Variants in RNGTT observed in about 807,000 individuals in gnomAD.
The protein encoded by RNGTT is mRNA-capping enzyme.
RNGTT carries 33 observed loss-of-function variants against 79.3 expected under a neutral mutation model. That is an observed-to-expected ratio of 0.42 (90% CI 0.32 to 0.56). The LOEUF (loss-of-function observed/expected upper bound fraction) is 0.56. RNGTT is among the 20% of genes least tolerant of loss of function. RNGTT has a pLI of 0.17. For missense variants in RNGTT, 497 were observed against 739.1 expected (o/e 0.67, Z 3.80); for synonymous variants, 222 against 235.9 (o/e 0.94, Z 0.54).
At chr6:88,792,499 G>A (rs1226939842) in intron 12 of RNGTT, among the ~76,000 whole-genome samples, 1 of 152,218 alleles carries the variant, frequency 6.6e-6, no homozygotes, top group Non-Finnish European at 1.5e-5. Flanking sequence ...GAATTTATGA[G>A]TAAGAATTAT....
chr6:88,870,048 G>C (rs1366686461), intron 8 of RNGTT, among the ~76,000 whole-genome samples: 1 of 152,068 alleles, frequency 6.6e-6, no homozygotes, highest in Non-Finnish European at 1.5e-5. Context: ...AAAATAAAAT[G>C]AGTCCAAGGA....
intron 4 of RNGTT, among the ~76,000 whole-genome samples, chr6:88,924,727 ATT>A (rs11459283): frequency 4.3e-5 from 6 of 138,112 alleles, no homozygotes; most frequent in Non-Finnish European, 4.7e-5. Context: ...CTCCTCTCCA[ATT>A]TTTTTTTTTT....
intron 13 of RNGTT, among the ~76,000 whole-genome samples, chr6:88,694,919 C>T (rs1775607694): frequency 6.6e-6 from 1 of 152,102 alleles, no homozygotes; most frequent in Non-Finnish European, 1.5e-5. Context: ...AACACACCAG[C>T]CCCCTGCTCT....
intron 8 of RNGTT, among the ~76,000 whole-genome samples, chr6:88,879,213 G>GTGAA (rs1246771991): frequency 1.3e-5 from 2 of 152,140 alleles, no homozygotes; most frequent in African/African-American, 4.8e-5. Context: ...TGGCAACATA[G>GTGAA]TGAAACCCTG....
chr6:88,771,315 G>GTGTGTGTATATATATATA lies in RNGTT; in HGVS notation c.1339-1442_1339-1441insTATATATATATACACACA, dbSNP rs1303688973. 1.1e-3 allele frequency among the ~76,000 whole-genome samples: 70 copies of GTGTGTGTATATATATATA among 62,022 alleles called. 2 individuals carry two copies. Among genetic ancestry groups the GTGTGTGTATATATATATA allele is most frequent in the Non-Finnish European group, 1.7e-3 (58 of 33,286 alleles). 40.7% of individuals were successfully genotyped at this position (62,022 alleles called of 152,430 possible). On this transcript the variant is annotated intron_variant, in intron 12 of 15. Coordinates refer to ENST00000369485, the MANE Select transcript of RNGTT (RefSeq NM_003800.5). ...ACTGTATGTATGTATGTGTGTGTGT[G>GTGTGTGTATATATATATA]TATATATATATATATATATATATAT... is the stretch of plus-strand genomic sequence containing the variant.
At chr6:88,655,130 G>T (rs1474886444) in intron 14 of RNGTT, among the ~76,000 whole-genome samples, 2 of 152,038 alleles carry the variant, frequency 1.3e-5, no homozygotes, top group African/African-American at 4.8e-5. Flanking sequence ...TCATCAGTCA[G>T]CAAACAAACC....
intron 14 of RNGTT, among the ~76,000 whole-genome samples, chr6:88,673,159 T>C (rs1260741938): frequency 6.6e-6 from 1 of 152,210 alleles, no homozygotes; most frequent in African/African-American, 2.4e-5. Flanking sequence ...AGTCCTGTGA[T>C]GTTAATGAAT....
intron 4 of RNGTT, among the ~76,000 whole-genome samples, chr6:88,928,711 T>C (rs1228881838): frequency 6.6e-6 from 1 of 152,144 alleles, no homozygotes; most frequent in Non-Finnish European, 1.5e-5. Context: ...TTATAAAATG[T>C]AGAAGTATAA....
intron 10 of RNGTT, among the ~76,000 whole-genome samples, chr6:88,845,253 G>C (rs578010051): frequency 1.4e-4 from 21 of 152,102 alleles, no homozygotes; most frequent in African/African-American, 4.8e-4. Flanking sequence ...CCTCAACTCT[G>C]GAAGCTAACA....
chr6:88,761,426 C>T lies in RNGTT; in HGVS notation c.1439+8348G>A, dbSNP rs573284424. Among the ~76,000 whole-genome samples the T allele has an allele frequency of 7.8e-4, 119 of 152,020 alleles. 1 individual carries two copies. Among genetic ancestry groups the T allele is most frequent in the African/African-American group, 2.7e-3 (113 of 41,490 alleles). On this transcript the variant is annotated intron_variant, in intron 13 of 15. Coordinates refer to ENST00000369485, the MANE Select transcript of RNGTT (RefSeq NM_003800.5). ...GAATCGCTTGAACCCGGGAGGTGGACGGTACAGTGAGCTGAGATTGCACCA... is the reference window on the plus strand; with the variant it reads ...GAATCGCTTGAACCCGGGAGGTGGATGGTACAGTGAGCTGAGATTGCACCA...
intron 1 of RNGTT, among the ~76,000 whole-genome samples, chr6:88,949,158 TG>T (rs1192317444): frequency 8.3e-4 from 15 of 18,016 alleles, no homozygotes; most frequent in Middle Eastern, 0.042. Context: ...TAAAATAAAA[TG>T]AAAAAAAAAA....
chr6:88,882,656 G>A (rs1296915316), intron 8 of RNGTT, among the ~76,000 whole-genome samples: 1 of 152,222 alleles, frequency 6.6e-6, no homozygotes, highest in Non-Finnish European at 1.5e-5. Flanking sequence ...ACTGAGAGAT[G>A]GAACCTTTAG....
At chr6:88,930,707 C>T (rs1263260692) in intron 2 of RNGTT, among the ~76,000 whole-genome samples, 1 of 151,922 alleles carries the variant, frequency 6.6e-6, no homozygotes, top group Non-Finnish European at 1.5e-5. Flanking sequence ...TAGGAAAATG[C>T]CAATAAAAAT....
At chr6:88,703,484 A>G (rs1452544376) in intron 13 of RNGTT, among the ~76,000 whole-genome samples, 3 of 152,188 alleles carry the variant, frequency 2.0e-5, no homozygotes, top group Non-Finnish European at 4.4e-5. Flanking sequence ...AGAGCTAAAC[A>G]CTGGGTACTC....
At chr6:88,699,458 G>T (rs1271092947) in intron 13 of RNGTT, among the ~76,000 whole-genome samples, 2 of 152,122 alleles carry the variant, frequency 1.3e-5, no homozygotes, top group African/African-American at 2.4e-5. Flanking sequence ...GCTGAATTAA[G>T]AAGATTGCTT....
At chr6:88,730,049 T>A (rs934048807) in intron 13 of RNGTT, among the ~76,000 whole-genome samples, 4 of 152,080 alleles carry the variant, frequency 2.6e-5, no homozygotes, top group African/African-American at 9.7e-5. Context: ...CTCCACCTTA[T>A]CCAGAGAAGC....
At chr6:88,738,839 T>TATATACAC (rs1554211729) in intron 13 of RNGTT, among the ~76,000 whole-genome samples, 1 of 142,526 alleles carries the variant, frequency 7.0e-6, no homozygotes, top group African/African-American at 2.6e-5. Context: ...ATAAATAAAA[T>TATATACAC]ACACACACAC....
intron 1 of RNGTT, among the ~76,000 whole-genome samples, chr6:88,953,183 C>T (rs1411084625): frequency 6.6e-6 from 1 of 151,928 alleles, no homozygotes; most frequent in East Asian, 1.9e-4. Context: ...CAAGGAGATA[C>T]CAGAACAAGG....
At chr6:88,665,116 C>G (rs1249302175) in intron 14 of RNGTT, among the ~76,000 whole-genome samples, 3 of 152,158 alleles carry the variant, frequency 2.0e-5, no homozygotes, top group Non-Finnish European at 4.4e-5. Flanking sequence ...CTGAAGTTGC[C>G]TGGAACAGGA....
Sources: allele counts gnomAD v4.1 joint callset (sites outside exome capture counted in the v4.1 genomes callset), GRCh38; gene constraint gnomAD v4.1.1; transcripts MANE v1.5; gene names NCBI Gene and HGNC (gene_info 2026-07-23, HGNC 2026-07-21).